The following ASTN2 variants were observed in gnomAD, a reference collection of about 807,000 sequenced individuals.
The protein encoded by ASTN2 is astrotactin 2.
ASTN2 carries 54 observed loss-of-function variants against 139.8 expected under a neutral mutation model. The ratio of observed to expected loss-of-function variants is 0.39; its 90% confidence interval spans 0.31 to 0.48. The LOEUF (loss-of-function observed/expected upper bound fraction) is 0.48. Ranked by LOEUF, ASTN2 falls within the 20% of genes least tolerant of loss-of-function variation. ASTN2 has a pLI of 0.95. For synonymous variants in ASTN2, 756 were observed against 719.5 expected (o/e 1.05, Z -0.81); for missense variants, 1,565 against 1,725.1 (o/e 0.91, Z 1.64).
chr9:117,180,852 G>A (rs369303478), intron 3 of ASTN2: 1 of 1,559,798 alleles, frequency 6.4e-7, no homozygotes. Context: ...TTGAGATGCG[G>A]ATCTTCTGGT....
chr9:116,565,496 C>T (rs1046964951), intron 19 of ASTN2, among the ~76,000 whole-genome samples: 1 of 146,534 alleles, frequency 6.8e-6, no homozygotes, highest in East Asian at 2.0e-4. Context: ...AGTGTGATAT[C>T]GGCTCACTGC....
intron 19 of ASTN2, among the ~76,000 whole-genome samples, chr9:116,600,731 C>T (rs1344353620): frequency 1.3e-5 from 2 of 152,120 alleles, no homozygotes; most frequent in East Asian, 1.9e-4. Context: ...TAATTTCATC[C>T]CTCCTATAGT....
chr9:116,580,362 C>T (rs1462291047), intron 19 of ASTN2, among the ~76,000 whole-genome samples: 2 of 152,178 alleles, frequency 1.3e-5, no homozygotes, highest in Non-Finnish European at 2.9e-5. Context: ...GCTCTGCCCC[C>T]TTGTCCACAA....
intron 7 of ASTN2, among the ~76,000 whole-genome samples, chr9:117,003,222 G>C (rs980478032): frequency 6.6e-6 from 1 of 152,142 alleles, no homozygotes. Context: ...TGTGAGTGCA[G>C]AACACGGGTG....
chr9:117,334,002 C>A (rs1403485029), intron 1 of ASTN2, among the ~76,000 whole-genome samples: 1 of 152,160 alleles, frequency 6.6e-6, no homozygotes, highest in Non-Finnish European at 1.5e-5. Flanking sequence ...AACCATGCTG[C>A]ATACCAGAGG....
chr9:117,352,187 C>T (rs914478415), intron 1 of ASTN2, among the ~76,000 whole-genome samples: 1 of 152,142 alleles, frequency 6.6e-6, no homozygotes, highest in African/African-American at 2.4e-5. Flanking sequence ...CAATTACTCT[C>T]TCATGAGAAT....
At chr9:116,526,774 A>G (rs1851112587) in intron 19 of ASTN2, among the ~76,000 whole-genome samples, 1 of 152,192 alleles carries the variant, frequency 6.6e-6, no homozygotes, top group Non-Finnish European at 1.5e-5. Flanking sequence ...TGATGAGCTC[A>G]GCCCGATATC....
chr9:117,005,073 G>A (rs1367219384), intron 7 of ASTN2, among the ~76,000 whole-genome samples: 1 of 128,940 alleles, frequency 7.8e-6, no homozygotes, highest in African/African-American at 2.9e-5. Context: ...TTGTGGACCT[G>A]TAGTCGATTT....
At position 117,400,402 on chromosome 9, in the gene ASTN2, G is replaced by A. The variant is rs558818736; in HGVS notation, c.442+14095C>T. 7.9e-5 allele frequency among the ~76,000 whole-genome samples: 12 copies of A among 152,298 alleles called. No individual in the cohort carries two copies. In the East Asian group the frequency reaches 2.1e-3, roughly 27 times the overall value. ...CCTGGAAGCAGGGAGGCAAGTGAGT[G>A]GGGGCGATTCCCTAGAGGCTTCTGT... is the stretch of plus-strand genomic sequence containing the variant. On this transcript the variant is annotated intron_variant, in intron 1 of 22. Transcript: ENST00000313400.
intron 12 of ASTN2, among the ~76,000 whole-genome samples, chr9:116,813,909 G>A (rs761676139): frequency 8.6e-4 from 130 of 151,908 alleles, no homozygotes; most frequent in African/African-American, 2.7e-3. Flanking sequence ...GGTGGTGAGC[G>A]CCTGTAATCC....
chr9:116,904,780 G>T (rs994052933), intron 10 of ASTN2, among the ~76,000 whole-genome samples: 3 of 152,156 alleles, frequency 2.0e-5, no homozygotes, highest in Non-Finnish European at 4.4e-5. Context: ...ACGACAAACA[G>T]GATTACAAAA....
intron 17 of ASTN2, among the ~76,000 whole-genome samples, chr9:116,630,263 G>A (rs1325884711): frequency 6.6e-6 from 1 of 152,064 alleles, no homozygotes; most frequent in African/African-American, 2.4e-5. Context: ...TCAGACCCAC[G>A]TTTCTCAAAT....
intron 3 of ASTN2, among the ~76,000 whole-genome samples, chr9:117,191,177 G>A (rs1227741428): frequency 9.1e-6 from 1 of 109,650 alleles, no homozygotes; most frequent in African/African-American, 3.5e-5. Flanking sequence ...ACAGAATAGT[G>A]AAAATGAATT....
chr9:117,386,726 T>C (rs905079685), intron 1 of ASTN2, among the ~76,000 whole-genome samples: 4 of 152,132 alleles, frequency 2.6e-5, no homozygotes, highest in African/African-American at 9.7e-5. Context: ...CACTCTGGAA[T>C]GCCAGCTCCT....
intron 10 of ASTN2, among the ~76,000 whole-genome samples, chr9:116,865,031 A>G (rs898321759): frequency 2.0e-5 from 3 of 152,190 alleles, no homozygotes; most frequent in Non-Finnish European, 4.4e-5. Flanking sequence ...CTGTCCAGCC[A>G]CATTTACCCT....
chr9:117,262,417 A>ATTTTT (rs3041150), intron 2 of ASTN2, among the ~76,000 whole-genome samples: 78 of 149,944 alleles, frequency 5.2e-4, no homozygotes, highest in South Asian at 8.5e-4. Flanking sequence ...TTATTTATTT[A>ATTTTT]TTTTTTATCT....
At chr9:117,270,935 T>C (rs1210369051) in intron 2 of ASTN2, among the ~76,000 whole-genome samples, 1 of 152,226 alleles carries the variant, frequency 6.6e-6, no homozygotes, top group Non-Finnish European at 1.5e-5. Flanking sequence ...TGAAAATCCT[T>C]GTTTTCTAAG....
At chr9:116,747,376 A>C (rs1829270924) in intron 13 of ASTN2, among the ~76,000 whole-genome samples, 1 of 152,186 alleles carries the variant, frequency 6.6e-6, no homozygotes. Context: ...CTGAAAAGTA[A>C]AGGTTGACTT....
chr9:117,095,364 G>A (rs1410494349), intron 5 of ASTN2, among the ~76,000 whole-genome samples: 7 of 152,190 alleles, frequency 4.6e-5, no homozygotes, highest in Non-Finnish European at 4.4e-5. Context: ...TTGGCCACAG[G>A]TTTTAGACCT....
Sources: allele counts gnomAD v4.1 joint callset (sites outside exome capture counted in the v4.1 genomes callset), GRCh38; gene constraint gnomAD v4.1.1; transcripts MANE v1.5; gene names NCBI Gene and HGNC (gene_info 2026-07-23, HGNC 2026-07-21).